The following BLTP1 variants were observed in gnomAD, a reference collection of about 807,000 sequenced individuals.
BLTP1 encodes the protein bridge-like lipid transfer protein family member 1.
the BLTP1 span, chr4:122,239,755 AGAG>A: frequency 3.7e-6 from 6 of 1,614,190 alleles, no homozygotes; most frequent in Non-Finnish European, 5.1e-6. Flanking sequence ...TCACCAAAGC[AGAG>A]GAGAAGTTTT....
At chr4:122,258,691 A>G in the BLTP1 span, 1 of 1,606,974 alleles carries the variant, frequency 6.2e-7, no homozygotes, top group Non-Finnish European at 8.5e-7. Context: ...ATTCTTTTGA[A>G]CTGTTTCAGC....
chr4:122,271,675 C>T, the BLTP1 span: 16 of 1,597,082 alleles, frequency 1.0e-5, no homozygotes, highest in Admixed American at 1.2e-4. Flanking sequence ...CACTTATCTC[C>T]GATCCAACAG....
At chr4:122,267,368 A>C in the BLTP1 span, among the ~76,000 whole-genome samples, 7 of 152,060 alleles carry the variant, frequency 4.6e-5, no homozygotes, top group Non-Finnish European at 1.0e-4. Context: ...CAAGAAAGTA[A>C]TTTTAATATG....
chr4:122,290,457 T>C, the BLTP1 span, among the ~76,000 whole-genome samples: 1 of 152,080 alleles, frequency 6.6e-6, no homozygotes, highest in Admixed American at 6.6e-5. Context: ...GGTAAACTTA[T>C]GAGTTCTAAA....
At chr4:122,172,055 A>C in the BLTP1 span, 1 of 612,548 alleles carries the variant, frequency 1.6e-6, no homozygotes, top group Non-Finnish European at 2.0e-6. Flanking sequence ...ATATCATCAA[A>C]ATAACTTTAC....
chr4:122,274,025 A>C, the BLTP1 span, among the ~76,000 whole-genome samples: 3 of 151,980 alleles, frequency 2.0e-5, no homozygotes, highest in Non-Finnish European at 4.4e-5. Flanking sequence ...ACTTTTCTGC[A>C]GTAAGTATTA....
the BLTP1 span, chr4:122,261,741 C>T: frequency 1.0e-3 from 977 of 979,692 alleles, 4 homozygotes; most frequent in African/African-American, 0.015. Context: ...TCCTTTAGGA[C>T]AGAATATCTT....
chr4:122,274,565 G>A, the BLTP1 span: 295 of 1,391,844 alleles, frequency 2.1e-4, no homozygotes, highest in Admixed American at 5.2e-4. Context: ...GAATCCTGTC[G>A]TTAAGAATAT....
At chr4:122,237,651 T>C in the BLTP1 span, 1 of 767,428 alleles carries the variant, frequency 1.3e-6, no homozygotes, top group Non-Finnish European at 1.6e-6. Context: ...CTGGGATCTA[T>C]ACTTATGTAG....
chr4:122,301,088 T>C, the BLTP1 span: 37 of 843,836 alleles, frequency 4.4e-5, no homozygotes, highest in African/African-American at 5.5e-5. Context: ...AGTGTTTTAA[T>C]TGAATATAAA....
At chr4:122,340,836 G>A in the BLTP1 span, 2 of 954,996 alleles carry the variant, frequency 2.1e-6, no homozygotes, top group Non-Finnish European at 2.5e-6. Context: ...TATAGAAAAT[G>A]AAAAGTACTA....
the BLTP1 span, among the ~76,000 whole-genome samples, chr4:122,205,678 G>C: frequency 2.1e-4 from 28 of 133,076 alleles, 1 homozygote; most frequent in South Asian, 6.6e-3. Flanking sequence ...CAAAGTCTGT[G>C]CTATAATAAT....
the BLTP1 span, chr4:122,280,207 T>G: frequency 1.0e-6 from 1 of 984,446 alleles, no homozygotes; most frequent in Non-Finnish European, 1.2e-6. Flanking sequence ...CCATATTGCA[T>G]AAACAAAGCT....
the BLTP1 span, among the ~76,000 whole-genome samples, chr4:122,190,714 G>A: frequency 0.05 from 7,582 of 152,150 alleles, 270 homozygotes; most frequent in Non-Finnish European, 0.074. Context: ...TAGCTTAGAA[G>A]CTTAGTATAT....
chr4:122,158,949 A>AT, the BLTP1 span, among the ~76,000 whole-genome samples: 2 of 152,146 alleles, frequency 1.3e-5, no homozygotes, highest in African/African-American at 4.8e-5. Context: ...TGTAGCATAG[A>AT]TTATGATATT....
the BLTP1 span, chr4:122,359,856 T>C: frequency 7.2e-7 from 1 of 1,383,370 alleles, no homozygotes; most frequent in Non-Finnish European, 9.3e-7. Context: ...CTATAGCTTC[T>C]GTGTGCTGTC....
chr4:122,285,050 T>A, the BLTP1 span, among the ~76,000 whole-genome samples: 1 of 152,168 alleles, frequency 6.6e-6, no homozygotes, highest in Non-Finnish European at 1.5e-5. Flanking sequence ...GAGTCAGAAG[T>A]CTTAGGCCTT....
the BLTP1 span, among the ~76,000 whole-genome samples, chr4:122,242,156 A>G: frequency 1.3e-5 from 2 of 152,342 alleles, no homozygotes; most frequent in Non-Finnish European, 2.9e-5. Flanking sequence ...TCAGTTTATT[A>G]AAGAGATGTC....
At chr4:122,249,422 TTG>T in the BLTP1 span, 9 of 1,577,378 alleles carry the variant, frequency 5.7e-6, no homozygotes, top group Admixed American at 5.4e-5. Context: ...GTCCAAATGT[TTG>T]TGTTTTTTAA....
Sources: allele counts gnomAD v4.1 joint callset (sites outside exome capture counted in the v4.1 genomes callset), GRCh38; gene constraint gnomAD v4.1.1; transcripts MANE v1.5; gene names NCBI Gene and HGNC (gene_info 2026-07-23, HGNC 2026-07-21).